VPS37B: variants seen among roughly 807,000 people sequenced by gnomAD.
VPS37B encodes the protein VPS37B subunit of ESCRT-I, also known as vacuolar protein sorting-associated protein 37B.
VPS37B carries 11 observed loss-of-function variants against 21.2 expected under a neutral mutation model. The observed-to-expected ratio is 0.52, with a 90% CI of 0.33 to 0.86. The LOEUF (loss-of-function observed/expected upper bound fraction) is 0.86. VPS37B is among the 40% of genes least tolerant of loss of function. The pLI is 0.03. For missense variants in VPS37B, 389 were observed against 374.8 expected (o/e 1.04, Z -0.31); for synonymous variants, 175 against 159.6 (o/e 1.10, Z -0.73).
chr12:122,884,501 T>C (rs1353789067), intron 1 of VPS37B: 1 of 152,220 alleles, frequency 6.6e-6, no homozygotes, highest in Non-Finnish European at 1.5e-5. Flanking sequence ...AATGAAATCA[T>C]AGAACTATTG....
intron 1 of VPS37B, chr12:122,876,217 G>C (rs2034145989): frequency 6.6e-6 from 1 of 152,146 alleles, no homozygotes; most frequent in Admixed American, 6.5e-5. Context: ...CGAGTGGTAT[G>C]ATTTTTTTAC....
rs1298044502 is a variant in VPS37B, at chr12:122,867,617, G to A, written c.367-10C>T. ...ACTTCTCTGCCATGTTCTGAAAGAG[G>A]CAGAAACCTGGTTACAGGGACAGCC... On this transcript the variant is annotated splice_polypyrimidine_tract_variant and intron_variant, in intron 3 of 3. Coordinates refer to ENST00000267202, the MANE Select transcript of VPS37B (RefSeq NM_024667.3). The surrounding 1 kb of genome is among the most constrained non-coding windows in gnomAD (Gnocchi z 5.5). 1 of 1,611,318 alleles carries A rather than the reference G, an allele frequency of 6.2e-7. No individual in the cohort carries two copies. The highest frequency in any genetic ancestry group is 1.7e-5 in the Admixed American group (1 of 60,018).
chr12:122,866,794 C>A lies in VPS37B; in HGVS notation c.*322G>T. The stretch of plus-strand genomic sequence containing the variant: ...AAATAAAGCTGCAACAGAAGGACCA[C>A]GATTCTAAATGGGACTGGGGGAGAG... On this transcript the variant is annotated 3_prime_UTR_variant, in exon 4 of 4. Transcript: ENST00000267202. 1 of 303,372 alleles carries A rather than the reference C, an allele frequency of 3.3e-6. No homozygotes were observed. The highest frequency in any genetic ancestry group is 9.1e-4 in the Middle Eastern group (1 of 1,096). 18.8% of individuals were successfully genotyped at this position (303,372 alleles called of 1,614,324 possible).
intron 1 of VPS37B, chr12:122,889,362 TCCG>T (rs2034376703): frequency 6.6e-6 from 1 of 152,630 alleles, no homozygotes; most frequent in Non-Finnish European, 1.5e-5. Context: ...AACCTCCACT[TCCG>T]CCGCCAACCT....
intron 2 of VPS37B, chr12:122,869,983 T>TC (rs2033990907): frequency 6.6e-6 from 1 of 151,446 alleles, no homozygotes; most frequent in Admixed American, 6.6e-5. Context: ...TTCTGATGTC[T>TC]CCTCCTAATG....
chr12:122,888,680 C>A (rs549230724), intron 1 of VPS37B: 3 of 447,072 alleles, frequency 6.7e-6, no homozygotes, highest in East Asian at 1.4e-4. Context: ...CCTCTTCCAG[C>A]CAGTCTCTAA....
Position 122,889,018 on chromosome 12 carries a change from C to T in VPS37B, c.111+6934G>A, listed in dbSNP as rs191389957. On this transcript the variant is annotated intron_variant, in intron 1 of 3. Transcript: ENST00000267202. ...CCGCTCACCAGAGCCCTGTCTCCTA[C>T]TCACTTCCACTTGAAGCCCGGTTAT... is the stretch of plus-strand genomic sequence containing the variant. 1.5e-4 allele frequency: 25 copies of T among 166,074 alleles called. No individual in the cohort carries two copies. The East Asian group carries it at 4.1e-3, about 27-fold the overall frequency. 10.3% of individuals were successfully genotyped at this position (166,074 alleles called of 1,614,324 possible). A position where few individuals can be genotyped will look rare whatever the true frequency, so the allele number is the denominator to read the frequency against.
chr12:122,884,685 G>A (rs867352149), intron 1 of VPS37B: 5 of 151,936 alleles, frequency 3.3e-5, no homozygotes, highest in Admixed American at 6.6e-5. Flanking sequence ...ACCAGCTTAC[G>A]GAAGACAGAA....
chr12:122,875,223 A>ATTTTTTTTTTTTTT (rs34993068), intron 1 of VPS37B: 1 of 96,030 alleles, frequency 1.0e-5, no homozygotes, highest in Non-Finnish European at 2.0e-5. Context: ...CACCTGGCTA[A>ATTTTTTTTTTTTTT]TTTTTTTTTT....
intron 1 of VPS37B, chr12:122,889,805 A>C (rs1349659931): frequency 6.6e-6 from 1 of 151,988 alleles, no homozygotes; most frequent in Non-Finnish European, 1.5e-5. Context: ...TTCCTCCTAA[A>C]TTAACCACCA....
At chr12:122,883,224 C>T (rs943789620) in intron 1 of VPS37B, 1 of 152,184 alleles carries the variant, frequency 6.6e-6, no homozygotes, top group African/African-American at 2.4e-5. Context: ...CATCAAAATC[C>T]TTCTTGAGAG....
At chr12:122,870,550 C>T (rs1234307121) in intron 2 of VPS37B, 1 of 184,200 alleles carries the variant, frequency 5.4e-6, no homozygotes, top group African/African-American at 2.4e-5. Flanking sequence ...GCCTGGGCAA[C>T]ATAGCAAGAC....
At chr12:122,871,480 A>C in intron 1 of VPS37B, 2 of 988,864 alleles carry the variant, frequency 2.0e-6, no homozygotes, top group Non-Finnish European at 2.4e-6. Context: ...TCAGCAGGAG[A>C]CCAGTTGGCA....
In VPS37B at chr12:122,865,531, GCTCA is replaced by G. The variant is rs1423694904; in HGVS notation, c.*1581_*1584del. The G allele has an allele frequency of 6.6e-6, 1 of 152,280 alleles. No homozygotes were observed. Among genetic ancestry groups the G allele is most frequent in the African/African-American group, 2.4e-5 (1 of 41,470 alleles). 9.4% of individuals were successfully genotyped at this position (152,280 alleles called of 1,614,324 possible). A position where few individuals can be genotyped will look rare whatever the true frequency, so the allele number is the denominator to read the frequency against. ...CGGAGGTATGGGGGCGGGTGGCACC[GCTCA>G]CTCGAGATTCACAGAACATGGCAAG... On this transcript the variant is annotated 3_prime_UTR_variant, in exon 4 of 4. Transcript: ENST00000267202.
chr12:122,895,930 C>T (rs759694083), intron 1 of VPS37B, 22 bp downstream of exon 1: 9 of 1,608,568 alleles, frequency 5.6e-6, no homozygotes, highest in Non-Finnish European at 6.8e-6. Flanking sequence ...ACAGCCGCCG[C>T]CTTAAGCCCA....
chr12:122,880,777 G>C (rs1462684299), intron 1 of VPS37B: 1 of 152,158 alleles, frequency 6.6e-6, no homozygotes, highest in Non-Finnish European at 1.5e-5. Context: ...CAGCACAGTG[G>C]TTGGCCCATT....
Position 122,868,352 on chromosome 12 carries a change from T to C in VPS37B, c.366+128A>G, listed in dbSNP as rs748470831. 3.8e-5 allele frequency: 31 copies of C among 825,236 alleles called. No homozygotes were observed. Among genetic ancestry groups the C allele is most frequent in the Non-Finnish European group, 5.5e-5 (28 of 509,720 alleles). The allele number at this position is 825,236 out of a possible 1,614,324, so 51.1% of individuals were successfully genotyped here. A position where few individuals can be genotyped will look rare whatever the true frequency, so the allele number is the denominator to read the frequency against. On this transcript the variant is annotated intron_variant, in intron 3 of 3. Coordinates refer to ENST00000267202, the MANE Select transcript of VPS37B (RefSeq NM_024667.3). The surrounding 1 kb of genome is among the most constrained non-coding windows in gnomAD (Gnocchi z 5.5). ...ACACAGGCCAGGCTGCCTGCTGGTA[T>C]ACAGCCCGTACACCTGGGAGGCACC...
Position 122,867,112 on chromosome 12 carries a change from G to C in VPS37B, c.*4C>G. 2 of 1,521,372 alleles carry C rather than the reference G, an allele frequency of 1.3e-6. No individual in the cohort carries two copies. The highest frequency in any genetic ancestry group is 1.8e-6 in the Non-Finnish European group (2 of 1,140,772). The allele number at this position is 1,521,372 out of a possible 1,614,324, so 94.2% of individuals were successfully genotyped here. On this transcript the variant is annotated 3_prime_UTR_variant, in exon 4 of 4. Transcript: ENST00000267202. This position sits in a 1 kb window ranked among gnomAD's most constrained non-coding sequence, Gnocchi z 5.5. ...AAGTCTCCCGGGAAGGACCGCGCCG[G>C]CGCTCACTGGAGGATGAAACCCGGC...
At chr12:122,884,725 G>T (rs2034297489) in intron 1 of VPS37B, 1 of 151,808 alleles carries the variant, frequency 6.6e-6, no homozygotes, top group Admixed American at 6.6e-5. Flanking sequence ...CTTATTAATA[G>T]TTTCTGGCCA....
Sources: gnomAD v4.1 joint callset for allele counts on GRCh38, gnomAD v4.1.1 for gene constraint, Gnocchi (gnomAD v3.1) non-coding constraint, MANE v1.5 for transcripts, NCBI Gene and HGNC (gene_info 2026-07-23, HGNC 2026-07-21) for gene names.